LRRK2: variants seen among roughly 807,000 people sequenced by gnomAD.
LRRK2 encodes leucine rich repeat kinase 2, also known as leucine-rich repeat serine/threonine-protein kinase 2.
A neutral mutation model predicts 302.6 loss-of-function variants in LRRK2; 203 were observed. That is an observed-to-expected ratio of 0.67 (90% CI 0.60 to 0.75). The LOEUF (loss-of-function observed/expected upper bound fraction) is 0.75, where lower values mean the gene tolerates loss of function less well. Ranked by LOEUF, LRRK2 falls within the 30% of genes least tolerant of loss-of-function variation. The pLI, the probability that LRRK2 is intolerant of heterozygous loss-of-function variation, is 0.00. For synonymous variants in LRRK2, 1,066 were observed against 1,031.9 expected (o/e 1.03, Z -0.63); for missense variants, 2,830 against 2,951.0 (o/e 0.96, Z 0.95).
chr12:40,261,788 T>C (rs1222307175), intron 13 of LRRK2, among the ~76,000 whole-genome samples: 1 of 152,152 alleles, frequency 6.6e-6, no homozygotes, highest in Non-Finnish European at 1.5e-5. Context: ...TTCAGGTTTT[T>C]TAGTGGCAAA....
At chr12:40,330,483 C>T (rs1945681021) in intron 39 of LRRK2, among the ~76,000 whole-genome samples, 1 of 152,082 alleles carries the variant, frequency 6.6e-6, no homozygotes, top group Non-Finnish European at 1.5e-5. Flanking sequence ...TTTCAGTGTT[C>T]TGAACCTTTA....
chr12:40,286,158 T>C (rs1943918664), intron 19 of LRRK2: 1 of 152,038 alleles, frequency 6.6e-6, no homozygotes, highest in African/African-American at 2.4e-5. Flanking sequence ...AAACATAGAA[T>C]TGTCATTTGA....
chr12:40,349,148 G>A (rs1946280592), intron 43 of LRRK2, among the ~76,000 whole-genome samples: 2 of 151,920 alleles, frequency 1.3e-5, no homozygotes, highest in Non-Finnish European at 2.9e-5. Flanking sequence ...AATTTTTTCA[G>A]GTTGATTTAC....
chr12:40,351,243 G>A (rs1393208680), intron 43 of LRRK2, among the ~76,000 whole-genome samples: 1 of 152,144 alleles, frequency 6.6e-6, no homozygotes, highest in East Asian at 1.9e-4. Context: ...TGCATGCAGA[G>A]TACCTCCTGA....
chr12:40,354,230 A>C, intron 44 of LRRK2, 69 bp from the exon 45 acceptor site: 1 of 1,313,290 alleles, frequency 7.6e-7, no homozygotes, highest in East Asian at 2.4e-5. Context: ...AGAATCCTTT[A>C]TTCTGTACAA....
chr12:40,243,175 G>A lies in LRRK2; in HGVS notation c.707-375G>A, dbSNP rs1941816582. Among the ~76,000 whole-genome samples, 4 of 150,692 alleles carry A rather than the reference G, an allele frequency of 2.7e-5. No individual in the cohort carries two copies. In the South Asian group the frequency reaches 8.4e-4, roughly 32 times the overall value. On this transcript the variant is annotated intron_variant, in intron 6 of 50. Transcript: ENST00000298910. ...TGTCTGGAAAAAAAAAAAAGAAATA[G>A]ACCCTCCAATTTATTTATCTGAAAA...
intron 11 of LRRK2, among the ~76,000 whole-genome samples, chr12:40,253,228 G>A (rs549416133): frequency 3.3e-5 from 5 of 151,942 alleles, no homozygotes; most frequent in South Asian, 4.2e-4. Flanking sequence ...ATATTTTTCC[G>A]GACTTCTATG....
intron 44 of LRRK2, among the ~76,000 whole-genome samples, chr12:40,353,578 G>A (rs1182236486): frequency 6.6e-6 from 1 of 151,954 alleles, no homozygotes; most frequent in Non-Finnish European, 1.5e-5. Context: ...TTCCCAGACG[G>A]GGTGGCGGCC....
intron 2 of LRRK2, among the ~76,000 whole-genome samples, chr12:40,226,431 T>C (rs1017324301): frequency 2.6e-5 from 4 of 152,202 alleles, no homozygotes; most frequent in African/African-American, 9.6e-5. Context: ...GAAAGAGAAT[T>C]GGACTTTGAA....
chr12:40,342,859 T>G (rs1173619991), intron 41 of LRRK2, among the ~76,000 whole-genome samples: 1 of 152,190 alleles, frequency 6.6e-6, no homozygotes, highest in Non-Finnish European at 1.5e-5. Context: ...ATTATGAGTG[T>G]AGGTCCATTA....
At chr12:40,238,886 C>A (rs1450688268) in intron 5 of LRRK2, among the ~76,000 whole-genome samples, 1 of 152,002 alleles carries the variant, frequency 6.6e-6, no homozygotes, top group African/African-American at 2.4e-5. Context: ...TTTTAAACAG[C>A]TTATAGATAA....
chr12:40,268,494 T>G (rs1288058672), intron 14 of LRRK2, among the ~76,000 whole-genome samples: 1 of 152,168 alleles, frequency 6.6e-6, no homozygotes, highest in East Asian at 1.9e-4. Context: ...CAGAAAACTA[T>G]GAAGCTTAGG....
chr12:40,367,308 C>T (rs909682833), intron 50 of LRRK2: 5 of 470,344 alleles, frequency 1.1e-5, no homozygotes, highest in Non-Finnish European at 1.5e-5. Flanking sequence ...ACTAGCTCAA[C>T]CTTAAACGAA....
intron 45 of LRRK2, among the ~76,000 whole-genome samples, chr12:40,354,708 A>G (rs1946470652): frequency 6.6e-6 from 1 of 152,200 alleles, no homozygotes; most frequent in Non-Finnish European, 1.5e-5. Flanking sequence ...TCAACCATTT[A>G]TTCAGGCCTA....
chr12:40,300,833 C>A, intron 25 of LRRK2: 1 of 471,134 alleles, frequency 2.1e-6, no homozygotes, highest in Non-Finnish European at 4.4e-6. Flanking sequence ...CTCTGTGGTA[C>A]CTCAGGGGAA....
intron 46 of LRRK2, among the ~76,000 whole-genome samples, chr12:40,358,607 T>C (rs1171994838): frequency 6.6e-6 from 1 of 152,224 alleles, no homozygotes; most frequent in Non-Finnish European, 1.5e-5. Context: ...AATACTGTGC[T>C]GTTTTGGTTA....
At chr12:40,366,655 A>T (rs770260884) in intron 49 of LRRK2, 4 of 245,080 alleles carry the variant, frequency 1.6e-5, no homozygotes, top group Non-Finnish European at 3.2e-5. Context: ...CTAAATACTC[A>T]TATTTGTACC....
At chr12:40,363,207 A>G (rs1473348257) in intron 47 of LRRK2, among the ~76,000 whole-genome samples, 195 bp from the exon 48 acceptor site, 1 of 152,090 alleles carries the variant, frequency 6.6e-6, no homozygotes, top group East Asian at 1.9e-4. Context: ...AACCAAAAGT[A>G]AGTAAAGTAC....
intron 38 of LRRK2, among the ~76,000 whole-genome samples, chr12:40,326,389 C>G (rs1945550299): frequency 6.6e-6 from 1 of 150,606 alleles, no homozygotes; most frequent in Non-Finnish European, 1.5e-5. Flanking sequence ...TGGCATGAAC[C>G]TGGGAGGCGG....
Sources: gnomAD v4.1 joint callset for allele counts (sites outside exome capture counted in the v4.1 genomes callset) on GRCh38, gnomAD v4.1.1 for gene constraint, MANE v1.5 for transcripts, NCBI Gene and HGNC (gene_info 2026-07-23, HGNC 2026-07-21) for gene names.